Variants in IGFBP5 observed in about 807,000 individuals in gnomAD.
IGFBP5 encodes insulin like growth factor binding protein 5.
Under a neutral mutation model 28.0 loss-of-function variants are expected in IGFBP5, and 12 were observed. The ratio of observed to expected loss-of-function variants is 0.43; its 90% CI spans 0.27 to 0.69. The LOEUF (loss-of-function observed/expected upper bound fraction) is 0.69, where lower values mean the gene tolerates loss of function less well. IGFBP5 is among the 30% of genes least tolerant of loss of function. The probability of loss-of-function intolerance (pLI) is 0.20; values close to 1 mark genes in which losing one functional copy is unlikely to be tolerated. For missense variants in IGFBP5, 344 were observed against 381.6 expected (o/e 0.90, Z 0.82); for synonymous variants, 152 against 150.2 (o/e 1.01, Z -0.09).
chr2:216,676,599 G>T lies in IGFBP5; in HGVS notation c.*152C>A, dbSNP rs1170238853. ...TTTTCGAAGTTGAGCCCTTGCTAGA[G>T]ATTCCGAGGTCCTCAGTTTCCTCAA... On this transcript the variant is annotated 3_prime_UTR_variant, in exon 4 of 4. Transcript: ENST00000233813. 1.9e-6 allele frequency: 1 copy of T among 516,036 alleles called. No homozygotes were observed. Among genetic ancestry groups the T allele is most frequent in the Non-Finnish European group, 3.4e-6 (1 of 293,018 alleles). 32.0% of individuals were successfully genotyped at this position (516,036 alleles called of 1,614,324 possible).
At position 216,672,692 on chromosome 2, in the gene IGFBP5, G is replaced by A. The variant is rs527810104; in HGVS notation, c.*4059C>T. 6.5e-6 allele frequency: 1 copy of A among 152,812 alleles called. No homozygotes were observed. The highest frequency in any genetic ancestry group is 2.4e-5 in the African/African-American group (1 of 41,562). The allele number at this position is 152,812 out of a possible 1,614,324, so 9.5% of individuals were successfully genotyped here. On this transcript the variant is annotated 3_prime_UTR_variant, in exon 4 of 4. Coordinates refer to ENST00000233813, the MANE Select transcript of IGFBP5 (RefSeq NM_000599.4). The stretch of plus-strand genomic sequence containing the variant: ...ACCGGGGACTGGTGGAGTGGGGTGA[G>A]CGGGCACAGGGAAGCTGGGGTCCCC...
intron 1 of IGFBP5, among the ~76,000 whole-genome samples, chr2:216,688,393 A>G (rs1689055242): frequency 6.6e-6 from 1 of 152,210 alleles, no homozygotes; most frequent in African/African-American, 2.4e-5. Context: ...TTTTATTTTG[A>G]GCGTGTGGTG....
At chr2:216,677,993 G>T in intron 3 of IGFBP5, 119 bp downstream of exon 3, 3 of 935,618 alleles carry the variant, frequency 3.2e-6, no homozygotes, top group African/African-American at 1.7e-5. Context: ...GGTATCTGAG[G>T]CCCAGGAAAC....
chr2:216,691,256 C>G (rs1689091631), intron 1 of IGFBP5, among the ~76,000 whole-genome samples: 1 of 152,004 alleles, frequency 6.6e-6, no homozygotes, highest in Non-Finnish European at 1.5e-5. Context: ...TATTTTTTGT[C>G]CCACGGTGTC....
At chr2:216,683,147 C>T (rs887226177) in intron 1 of IGFBP5, among the ~76,000 whole-genome samples, 9 of 152,072 alleles carry the variant, frequency 5.9e-5, no homozygotes, top group Admixed American at 2.0e-4. Context: ...AGTGAAACCC[C>T]GTCTCTACAA....
At chr2:216,681,617 ATC>A (rs1447548412) in intron 1 of IGFBP5, among the ~76,000 whole-genome samples, 4 of 152,056 alleles carry the variant, frequency 2.6e-5, no homozygotes, top group African/African-American at 9.7e-5. Context: ...ATAAGCATCT[ATC>A]TCTCTAGTTC....
rs1397010724 is a variant in IGFBP5 at position 216,692,025 on chromosome 2, C to A, written c.337+2414G>T. Among the ~76,000 whole-genome samples the A allele has an allele frequency of 6.6e-6, 1 of 151,852 alleles. No homozygotes were observed. Among genetic ancestry groups the A allele is most frequent in the East Asian group, 1.9e-4 (1 of 5,140 alleles). ...AAAAGGGCACTCTCCCTCTCTCTGT[C>A]CATTTCTCTCTCCTTAAGAACGGTC... is the stretch of plus-strand genomic sequence containing the variant. On this transcript the variant is annotated intron_variant, in intron 1 of 3. Transcript: ENST00000233813. This position sits in a 1 kb window ranked among gnomAD's most constrained non-coding sequence, Gnocchi z 4.2.
At position 216,695,116 on chromosome 2, in the gene IGFBP5, C is replaced by T; in HGVS notation, c.-341G>A. The T allele has an allele frequency of 4.7e-6, 1 of 211,988 alleles. No homozygotes were observed. The highest frequency in any genetic ancestry group is 9.5e-5 in the East Asian group (1 of 10,522). 13.1% of individuals were successfully genotyped at this position (211,988 alleles called of 1,614,324 possible). ...GAAAAAAAGCCACAAAATTGTTCAC[C>T]CCCAAGCAACCACCGAAATAATGAG... On this transcript the variant is annotated 5_prime_UTR_variant, in exon 1 of 4. Transcript: ENST00000233813.
chr2:216,693,671 T>TA (rs1382847599), intron 1 of IGFBP5, among the ~76,000 whole-genome samples: 1 of 152,108 alleles, frequency 6.6e-6, no homozygotes, highest in African/African-American at 2.4e-5. Flanking sequence ...CCTTCCTTTC[T>TA]ACTCTTCCCC....
At chr2:216,690,583 C>G (rs917274652) in intron 1 of IGFBP5, among the ~76,000 whole-genome samples, 4 of 152,158 alleles carry the variant, frequency 2.6e-5, no homozygotes, top group Non-Finnish European at 5.9e-5. Context: ...TCACGATGAC[C>G]TCTGGCTCCT....
intron 1 of IGFBP5, among the ~76,000 whole-genome samples, chr2:216,688,894 G>C (rs1008251811): frequency 6.6e-6 from 1 of 152,114 alleles, no homozygotes; most frequent in African/African-American, 2.4e-5. Flanking sequence ...TATTAGAATG[G>C]GTCTCAGCAC....
chr2:216,685,999 GAA>G (rs111976159), intron 1 of IGFBP5, among the ~76,000 whole-genome samples: 1 of 142,398 alleles, frequency 7.0e-6, no homozygotes. Context: ...AACCTTTTAA[GAA>G]AAAAAAAAAA....
rs11575130 is a variant in IGFBP5, at chr2:216,692,826, G to C, written c.337+1613C>G. Reference sequence around the variant, plus strand: ...GACTACCTCTTGCAAAGCTAGAGGGGCTGGCCCCTGCGCCACTCAAACCCT... The same window carrying C: ...GACTACCTCTTGCAAAGCTAGAGGGCCTGGCCCCTGCGCCACTCAAACCCT... On this transcript the variant is annotated intron_variant, in intron 1 of 3. Coordinates refer to ENST00000233813, the MANE Select transcript of IGFBP5 (RefSeq NM_000599.4). The surrounding 1 kb of genome is among the most constrained non-coding windows in gnomAD (Gnocchi z 4.2). 0.085 allele frequency among the ~76,000 whole-genome samples: 12,913 copies of C among 152,092 alleles called. 738 individuals are homozygous for C. Among genetic ancestry groups the C allele is most frequent in the South Asian group, 0.19 (931 of 4,800 alleles).
At position 216,676,607 on chromosome 2, in the gene IGFBP5, G is replaced by C. The variant is rs1300212618; in HGVS notation, c.*144C>G. 1.3e-5 allele frequency: 7 copies of C among 535,422 alleles called. No homozygotes were observed. In the Admixed American group the frequency reaches 2.6e-4, roughly 20 times the overall value. 33.2% of individuals were successfully genotyped at this position (535,422 alleles called of 1,614,324 possible). A position where few individuals can be genotyped will look rare whatever the true frequency, so the allele number is the denominator to read the frequency against. ...GTTGAGCCCTTGCTAGAGATTCCGA[G>C]GTCCTCAGTTTCCTCAAATAGATAG... is the stretch of plus-strand genomic sequence containing the variant. On this transcript the variant is annotated 3_prime_UTR_variant, in exon 4 of 4. Coordinates refer to ENST00000233813, the MANE Select transcript of IGFBP5 (RefSeq NM_000599.4).
At position 216,676,876 on chromosome 2, in the gene IGFBP5, G is replaced by T. The variant is rs1344276264; in HGVS notation, c.694C>A (p.Pro232Thr). 6.2e-7 allele frequency: 1 copy of T among 1,613,924 alleles called. No individual in the cohort carries two copies. Among genetic ancestry groups the T allele is most frequent in the East Asian group, 2.2e-5 (1 of 44,888 alleles). ...ATGCCACGTTTGCGGCCACGGGAAG[G>T]TTTGCACTGGGGTGAGTAGAGCAAC... is the stretch of plus-strand genomic sequence containing the variant. The part of the protein sequence containing the change: ...KGFYKRKQCK[P>T]SRGRKRGICW... The change falls in exon 4 of 4, where the codon CCT (proline) becomes ACT (threonine). Residue 232 changes from proline to threonine, a missense_variant. Pro to Thr is a conservative substitution (Grantham distance 38). Around this residue, in one of 3 missense-constraint regions of IGFBP5, gnomAD observed 304 missense variants for 329.2 expected, o/e 0.92. Coordinates refer to ENST00000233813, the MANE Select transcript of IGFBP5 (RefSeq NM_000599.4).
intron 1 of IGFBP5, among the ~76,000 whole-genome samples, chr2:216,680,836 G>A (rs1273282897): frequency 2.0e-5 from 3 of 152,034 alleles, no homozygotes; most frequent in African/African-American, 7.2e-5. Context: ...GAGAATCCTG[G>A]TACCCCTTCT....
chr2:216,687,115 C>T (rs1178362142), intron 1 of IGFBP5, among the ~76,000 whole-genome samples: 6 of 152,148 alleles, frequency 3.9e-5, no homozygotes, highest in African/African-American at 1.2e-4. Flanking sequence ...TACTTGTAGA[C>T]CACAAGATCT....
intron 1 of IGFBP5, among the ~76,000 whole-genome samples, chr2:216,689,857 G>A (rs751307945): frequency 1.4e-4 from 22 of 152,296 alleles, no homozygotes; most frequent in Middle Eastern, 6.8e-3. Flanking sequence ...GAGTGGCCAG[G>A]CACTAACTAA....
At position 216,695,418 on chromosome 2, in the gene IGFBP5, T is replaced by C. The variant is rs1044238478; in HGVS notation, c.-643A>G. ...CACCTCCTCTTCGAAATTCGCAGGT[T>C]CTACGCGAAGTCCGGAGAAGGGTGA... On this transcript the variant is annotated 5_prime_UTR_variant, in exon 1 of 4. Coordinates refer to ENST00000233813, the MANE Select transcript of IGFBP5 (RefSeq NM_000599.4). The C allele has an allele frequency of 2.0e-5, 3 of 152,128 alleles. No individual in the cohort carries two copies. In the East Asian group the frequency reaches 5.8e-4, roughly 29 times the overall value. The allele number at this position is 152,128 out of a possible 1,614,324, so 9.4% of individuals were successfully genotyped here. A position where few individuals can be genotyped will look rare whatever the true frequency, so the allele number is the denominator to read the frequency against.
Sources: gnomAD v4.1 joint callset for allele counts (sites outside exome capture counted in the v4.1 genomes callset) on GRCh38, gnomAD v4.1.1 for gene constraint, gnomAD v4.1.1 regional missense constraint, Gnocchi (gnomAD v3.1) non-coding constraint, MANE v1.5 for transcripts, NCBI Gene and HGNC (gene_info 2026-07-23, HGNC 2026-07-21) for gene names.